PI4KA: variants seen among roughly 807,000 people sequenced by gnomAD.
The protein encoded by PI4KA is phosphatidylinositol 4-kinase alpha.
PI4KA carries 122 observed loss-of-function variants against 271.4 expected under a neutral mutation model. The ratio of observed to expected loss-of-function variants is 0.45; its 90% CI spans 0.39 to 0.52. PI4KA has a LOEUF of 0.52. Ranked by LOEUF, PI4KA falls within the 20% of genes least tolerant of loss-of-function variation. The pLI is 0.00. For missense variants in PI4KA, 1,969 were observed against 2,769.1 expected (o/e 0.71, Z 6.48); for synonymous variants, 1,041 against 1,078.8 (o/e 0.96, Z 0.69).
chr22:20,844,626 C>G (rs983229782), intron 1 of PI4KA, among the ~76,000 whole-genome samples: 2 of 152,188 alleles, frequency 1.3e-5, no homozygotes, highest in Non-Finnish European at 2.9e-5. Flanking sequence ...AACTGGGACT[C>G]TTATTAGAAA....
At chr22:20,753,087 G>A (rs762108961) in intron 24 of PI4KA, 23 bp downstream of exon 24, 3 of 1,614,130 alleles carry the variant, frequency 1.9e-6, no homozygotes, top group Admixed American at 1.7e-5. Context: ...AGACAGACAC[G>A]CATTCATGCT....
rs1423784177 is a variant in PI4KA at position 20,810,693 on chromosome 22, GT to G, written c.1071+273del. ...CCAGCTCCCACAGTAACTATGTGAT[GT>G]GGGCACGTTAGTGAGTTCTCACTAA... is the stretch of plus-strand genomic sequence containing the variant. On this transcript the variant is annotated intron_variant, in intron 9 of 54. Coordinates refer to ENST00000255882, the MANE Select transcript of PI4KA (RefSeq NM_058004.4). Among the ~76,000 whole-genome samples, 4 of 152,132 alleles carry G rather than the reference GT, an allele frequency of 2.6e-5. No individual in the cohort carries two copies. In the East Asian group the frequency reaches 5.8e-4, roughly 22 times the overall value.
At chr22:20,815,010 T>A (rs977637527) in intron 7 of PI4KA, among the ~76,000 whole-genome samples, 3 of 151,980 alleles carry the variant, frequency 2.0e-5, no homozygotes, top group Non-Finnish European at 2.9e-5. Context: ...AAAATTATTT[T>A]AAATTAAAAT....
At chr22:20,711,686 T>G (rs1925295722) in intron 50 of PI4KA, among the ~76,000 whole-genome samples, 1 of 152,114 alleles carries the variant, frequency 6.6e-6, no homozygotes, top group African/African-American at 2.4e-5. Flanking sequence ...GAACTTAACT[T>G]TCTTCTAAGG....
chr22:20,777,905 C>A (rs1173492742), intron 19 of PI4KA, among the ~76,000 whole-genome samples: 2 of 152,148 alleles, frequency 1.3e-5, no homozygotes, highest in Admixed American at 6.5e-5. Context: ...TGCCATAATG[C>A]CTCTGTGCTA....
chr22:20,804,664 C>T (rs1935530265), intron 11 of PI4KA, among the ~76,000 whole-genome samples: 1 of 152,208 alleles, frequency 6.6e-6, no homozygotes, highest in African/African-American at 2.4e-5. Context: ...CCTGAAGGCA[C>T]TGAGCTTCCA....
intron 27 of PI4KA, among the ~76,000 whole-genome samples, 166 bp from the exon 28 acceptor site, chr22:20,750,160 T>C (rs1242941767): frequency 6.6e-6 from 1 of 151,962 alleles, no homozygotes; most frequent in Non-Finnish European, 1.5e-5. Flanking sequence ...TTTAAAGAGG[T>C]GATTCAATTA....
intron 42 of PI4KA, chr22:20,725,689 G>GT (rs2147220781): frequency 3.0e-6 from 1 of 332,404 alleles, no homozygotes; most frequent in South Asian, 2.3e-5. Flanking sequence ...GAGCTCAGGA[G>GT]TTTGAGACCA....
intron 19 of PI4KA, chr22:20,783,848 C>A (rs980499331): frequency 3.1e-6 from 4 of 1,288,036 alleles, no homozygotes; most frequent in African/African-American, 2.9e-5. Context: ...AATCAAGAGA[C>A]TGTGGGGTCG....
chr22:20,749,236 G>C (rs938994807), intron 28 of PI4KA, among the ~76,000 whole-genome samples: 16 of 152,196 alleles, frequency 1.1e-4, no homozygotes, highest in African/African-American at 3.6e-4. Flanking sequence ...ACACTTTTGA[G>C]CCTGTTTCAT....
At chr22:20,812,356 GA>G (rs1348505146) in intron 8 of PI4KA, among the ~76,000 whole-genome samples, 1 of 152,120 alleles carries the variant, frequency 6.6e-6, no homozygotes, top group Non-Finnish European at 1.5e-5. Flanking sequence ...TTCTCTGAGG[GA>G]TTTCTATTCA....
chr22:20,707,967 G>T lies in PI4KA; in HGVS notation c.*80C>A. On this transcript the variant is annotated 3_prime_UTR_variant, in exon 55 of 55. Transcript: ENST00000255882. The stretch of plus-strand genomic sequence containing the variant: ...CTCTCCTCCACTGCATGTGGCGGCA[G>T]GGCAGGGAGGTCGCAGGGCTCCATG... 8.2e-7 allele frequency: 1 copy of T among 1,221,812 alleles called. No individual in the cohort carries two copies. The highest frequency in any genetic ancestry group is 1.2e-5 in the South Asian group (1 of 83,422). 75.7% of individuals were successfully genotyped at this position (1,221,812 alleles called of 1,614,324 possible). A position where few individuals can be genotyped will look rare whatever the true frequency, so the allele number is the denominator to read the frequency against.
At chr22:20,757,339 A>G (rs1392032531) in intron 23 of PI4KA, among the ~76,000 whole-genome samples, 5 of 152,208 alleles carry the variant, frequency 3.3e-5, no homozygotes, top group African/African-American at 4.8e-5. Flanking sequence ...GAAGAGTACA[A>G]TGTACTGCAA....
intron 1 of PI4KA, among the ~76,000 whole-genome samples, chr22:20,844,201 ACCT>A (rs758954652): frequency 2.6e-5 from 4 of 152,054 alleles, no homozygotes; most frequent in Non-Finnish European, 4.4e-5. Flanking sequence ...GAGGCCTGTG[ACCT>A]CCTCATCACT....
chr22:20,771,857 C>A (rs1315831370), intron 19 of PI4KA, among the ~76,000 whole-genome samples: 2 of 152,150 alleles, frequency 1.3e-5, no homozygotes, highest in East Asian at 3.9e-4. Context: ...GCTGGGATTA[C>A]AGGTGTGAGC....
intron 1 of PI4KA, among the ~76,000 whole-genome samples, chr22:20,844,614 G>C (rs1926020420): frequency 1.3e-5 from 2 of 152,206 alleles, no homozygotes; most frequent in African/African-American, 2.4e-5. Context: ...AATGCTCTTG[G>C]AAACTGGGAC....
intron 8 of PI4KA, among the ~76,000 whole-genome samples, chr22:20,811,967 C>T (rs926813306): frequency 6.5e-5 from 9 of 139,396 alleles, no homozygotes; most frequent in African/African-American, 2.5e-4. Context: ...GAGCCGAGAT[C>T]GTGCCACTGC....
At chr22:20,847,546 G>A (rs1926419747) in intron 1 of PI4KA, among the ~76,000 whole-genome samples, 1 of 152,060 alleles carries the variant, frequency 6.6e-6, no homozygotes, top group Non-Finnish European at 1.5e-5. Flanking sequence ...GGTACATGGT[G>A]AAACCCAAGA....
intron 19 of PI4KA, among the ~76,000 whole-genome samples, chr22:20,776,300 G>A (rs1933266519): frequency 6.6e-6 from 1 of 152,012 alleles, no homozygotes; most frequent in Non-Finnish European, 1.5e-5. Context: ...CTCCAGCCTG[G>A]GTGACAGAGT....
Sources: allele counts gnomAD v4.1 joint callset (sites outside exome capture counted in the v4.1 genomes callset), GRCh38; gene constraint gnomAD v4.1.1; transcripts MANE v1.5; gene names NCBI Gene and HGNC (gene_info 2026-07-23, HGNC 2026-07-21).